ZNF536: variants seen among roughly 807,000 people sequenced by gnomAD.
The protein encoded by ZNF536 is zinc finger protein 536.
Under a neutral mutation model 84.5 loss-of-function variants are expected in ZNF536, and 13 were observed. The ratio of observed to expected loss-of-function variants is 0.15; its 90% CI spans 0.10 to 0.24. The LOEUF is 0.24. ZNF536 is among the 10% of genes least tolerant of loss of function. The pLI, the probability that ZNF536 is intolerant of heterozygous loss-of-function variation, is 1.00. For missense variants in ZNF536, 1,536 were observed against 1,747.5 expected (o/e 0.88, Z 2.16); for synonymous variants, 811 against 742.5 (o/e 1.09, Z -1.50).
At chr19:30,587,502 G>T (rs2047136012) in intron 1 of ZNF536, among the ~76,000 whole-genome samples, 2 of 152,130 alleles carry the variant, frequency 1.3e-5, no homozygotes, top group Admixed American at 6.5e-5. Flanking sequence ...GGGGGTGCCT[G>T]GTTTTGCTTC....
At chr19:30,510,280 A>G (rs1281514806) in intron 2 of ZNF536, among the ~76,000 whole-genome samples, 1 of 152,216 alleles carries the variant, frequency 6.6e-6, no homozygotes, top group Non-Finnish European at 1.5e-5. Flanking sequence ...ACAATTCAAA[A>G]TGTACTGCTG....
intron 1 of ZNF536, among the ~76,000 whole-genome samples, chr19:30,662,570 T>C (rs2050160557): frequency 6.6e-6 from 1 of 152,168 alleles, no homozygotes; most frequent in Non-Finnish European, 1.5e-5. Context: ...TTTGATTTTT[T>C]TTTTAATGTA....
chr19:30,547,917 T>G (rs1299347287), intron 3 of ZNF536, 26 bp from the exon 4 acceptor site: 3 of 1,513,320 alleles, frequency 2.0e-6, no homozygotes, highest in Non-Finnish European at 1.8e-6. Context: ...AACGCCTCTT[T>G]TTTTTCTTAT....
chr19:30,319,927 G>GA lies in ZNF536; in HGVS notation c.-119-32434dup, dbSNP rs1045535859. Among the ~76,000 whole-genome samples, 16 of 151,974 alleles carry GA rather than the reference G, an allele frequency of 1.1e-4. 1 individual carries two copies. The highest frequency in any genetic ancestry group is 3.9e-4 in the African/African-American group (16 of 41,396). ...TCATTACCCTTAGTGATGTTTTGGG[G>GA]AAAAAAATGGAGATAGCTTTGTGTG... is the stretch of plus-strand genomic sequence containing the variant. On this transcript the variant is annotated intron_variant, in intron 2 of 5. Transcript: ENST00000585628.
intron 1 of ZNF536, among the ~76,000 whole-genome samples, chr19:30,272,722 C>G (rs559065956): frequency 2.4e-4 from 36 of 152,278 alleles, no homozygotes; most frequent in Non-Finnish European, 4.7e-4. Context: ...TAAATTTTCT[C>G]CATGTCTTTT....
chr19:30,245,855 C>T (rs573902254), intron 1 of ZNF536, among the ~76,000 whole-genome samples: 39 of 152,358 alleles, frequency 2.6e-4, no homozygotes, highest in African/African-American at 8.2e-4. Flanking sequence ...AGGTTGGCCA[C>T]GCAGTCCCTG....
At chr19:30,542,393 G>A (rs2045367649) in intron 3 of ZNF536, among the ~76,000 whole-genome samples, 1 of 152,186 alleles carries the variant, frequency 6.6e-6, no homozygotes. Context: ...AGTGACTTGG[G>A]AGAGGTTATC....
intron 1 of ZNF536, among the ~76,000 whole-genome samples, chr19:30,629,015 T>C (rs1400034650): frequency 6.6e-6 from 1 of 152,058 alleles, no homozygotes; most frequent in Non-Finnish European, 1.5e-5. Context: ...GGAGTCACTT[T>C]TAAAGCACCT....
At position 30,687,635 on chromosome 19, in the gene ZNF536, G is replaced by T. The variant is rs1039728344; in HGVS notation, c.170-23122G>T. Among the ~76,000 whole-genome samples, 3 of 152,096 alleles carry T rather than the reference G, an allele frequency of 2.0e-5. No homozygotes were observed. In the South Asian group the frequency reaches 6.2e-4, roughly 31 times the overall value. On this transcript the variant is annotated intron_variant, in intron 1 of 1. Transcript: ENST00000592773. ...AATTAAAAAAGGTCTATTTACTGTCGATGTGTATAATATCTATATGTCAGG... is the reference window on the plus strand; with the variant it reads ...AATTAAAAAAGGTCTATTTACTGTCTATGTGTATAATATCTATATGTCAGG...
chr19:30,673,702 C>T (rs753427940), intron 1 of ZNF536, among the ~76,000 whole-genome samples: 2 of 152,226 alleles, frequency 1.3e-5, no homozygotes, highest in Non-Finnish European at 2.9e-5. Flanking sequence ...GCACACATCC[C>T]AACCTAACTC....
At chr19:30,611,094 G>T (rs1465385432) in intron 1 of ZNF536, among the ~76,000 whole-genome samples, 1 of 152,186 alleles carries the variant, frequency 6.6e-6, no homozygotes, top group Non-Finnish European at 1.5e-5. Flanking sequence ...GTTAGGATAG[G>T]GTTAGGAGAG....
chr19:30,557,499 G>GATCCGGC lies in ZNF536; in HGVS notation c.*335_*336insATCCGGC. 1 of 227,742 alleles carries GATCCGGC rather than the reference G, an allele frequency of 4.4e-6. No individual in the cohort carries two copies. The highest frequency in any genetic ancestry group is 5.6e-5 in the Admixed American group (1 of 17,890). 14.1% of individuals were successfully genotyped at this position (227,742 alleles called of 1,614,324 possible). A position where few individuals can be genotyped will look rare whatever the true frequency, so the allele number is the denominator to read the frequency against. ...CTGGATGACAGATCCCTTCACCTGT[G>GATCCGGC]GACAACCTGGCTGGGGGTGGGGGGC... On this transcript the variant is annotated 3_prime_UTR_variant, in exon 5 of 5. Coordinates refer to ENST00000355537, the MANE Select transcript of ZNF536 (RefSeq NM_014717.3).
intron 2 of ZNF536, among the ~76,000 whole-genome samples, chr19:30,294,608 A>G (rs1000772044): frequency 2.7e-5 from 4 of 150,370 alleles, no homozygotes; most frequent in South Asian, 2.1e-4. Context: ...CATGACTTCA[A>G]TGTTTTTAGA....
chr19:30,510,117 CT>C (rs553643291), intron 2 of ZNF536, among the ~76,000 whole-genome samples: 6 of 151,130 alleles, frequency 4.0e-5, no homozygotes, highest in African/African-American at 7.3e-5. Flanking sequence ...TTCAGCATAG[CT>C]TTTTTTTTAA....
Position 30,445,674 on chromosome 19 carries a change from C to G in ZNF536, c.2112C>G (p.Leu704=), listed in dbSNP as rs891507605. ...AGGAGAGCGGGGTCGGAGGCGGCCT[C>G]TCCCAGACCGGGAGTGCCCAGGAGG... ...VTEESGVGGG[L]SQTGSAQEDS... Residue 704 remains leucine, a synonymous_variant, in exon 2 of 5, where the codon CTC becomes CTG. Coordinates refer to ENST00000355537, the MANE Select transcript of ZNF536 (RefSeq NM_014717.3). The surrounding 1 kb of genome is among the most constrained non-coding windows in gnomAD (Gnocchi z 4.5). The G allele has an allele frequency of 3.7e-6, 6 of 1,605,634 alleles. No homozygotes were observed. The highest frequency in any genetic ancestry group is 2.7e-5 in the African/African-American group (2 of 74,862).
chr19:30,369,165 A>G (rs917526650), upstream of ZNF536, among the ~76,000 whole-genome samples: 1 of 152,110 alleles, frequency 6.6e-6, no homozygotes, highest in Non-Finnish European at 1.5e-5. Flanking sequence ...TGTGATCTAT[A>G]ATGAGTTTAT....
At chr19:30,342,272 T>C (rs2047587811) in intron 2 of ZNF536, among the ~76,000 whole-genome samples, 1 of 152,238 alleles carries the variant, frequency 6.6e-6, no homozygotes, top group Non-Finnish European at 1.5e-5. Flanking sequence ...TTTGCCGTAG[T>C]CAAATTGCTG....
At chr19:30,482,357 GA>G (rs2054124464) in intron 2 of ZNF536, among the ~76,000 whole-genome samples, 1 of 152,196 alleles carries the variant, frequency 6.6e-6, no homozygotes, top group African/African-American at 2.4e-5. Flanking sequence ...CTGAGGTTCT[GA>G]AATGTTAAGT....
chr19:30,229,463 A>G (rs1303532989), intron 1 of ZNF536, among the ~76,000 whole-genome samples: 1 of 152,234 alleles, frequency 6.6e-6, no homozygotes, highest in African/African-American at 2.4e-5. Flanking sequence ...AACCCAGGGG[A>G]AAAGTCGATT....
Sources: allele counts gnomAD v4.1 joint callset (sites outside exome capture counted in the v4.1 genomes callset), GRCh38; gene constraint gnomAD v4.1.1; non-coding constraint Gnocchi (gnomAD v3.1); transcripts MANE v1.5; gene names NCBI Gene and HGNC (gene_info 2026-07-23, HGNC 2026-07-21).